NEIL2: variants seen among roughly 807,000 people sequenced by gnomAD.
The protein encoded by NEIL2 is nei like DNA glycosylase 2.
NEIL2 carries 23 observed loss-of-function variants against 22.2 expected under a neutral mutation model. That is an observed-to-expected ratio of 1.04 (90% CI 0.75 to 1.47). NEIL2 has a LOEUF of 1.47. Among genes scored for constraint, NEIL2 ranks in the 40% most tolerant of loss-of-function variants. The probability of loss-of-function intolerance (pLI) is 0.00; values close to 1 mark genes in which losing one functional copy is unlikely to be tolerated. For synonymous variants in NEIL2, 229 were observed against 164.8 expected, an observed-to-expected ratio of 1.39 and a Z score of -2.99; for missense variants, 583 against 404.7, an observed-to-expected ratio of 1.44 and a Z score of -3.78.
In NEIL2 at chr8:11,779,737, G is replaced by A; in HGVS notation, c.278G>A (p.Ser93Asn). ...AADPKQVGEPSGQKTLDGSSR... is the reference protein window; with the variant it reads ...AADPKQVGEPNGQKTLDGSSR... Reference sequence around the variant, plus strand: ...GACCCAAAGCAGGTCGGGGAGCCCAGCGGGCAGAAGACCCTTGATGGATCC... The same window carrying A: ...GACCCAAAGCAGGTCGGGGAGCCCAACGGGCAGAAGACCCTTGATGGATCC... Residue 93 changes from serine (S) to asparagine (N), a missense_variant, in exon 3 of 5, where the codon AGC (serine) becomes AAC (asparagine). Physicochemically the swap from Ser to Asn is conservative, Grantham distance 46. Coordinates refer to ENST00000284503, the MANE Select transcript of NEIL2 (RefSeq NM_145043.4). The A allele has an allele frequency of 6.2e-7, 1 of 1,614,232 alleles. No individual in the cohort carries two copies. The highest frequency in any genetic ancestry group is 8.5e-7 in the Non-Finnish European group (1 of 1,180,044).
chr8:11,784,797 G>T (rs962077106), intron 4 of NEIL2, among the ~76,000 whole-genome samples: 3 of 152,158 alleles, frequency 2.0e-5, no homozygotes, highest in African/African-American at 7.2e-5. Context: ...AGAGAATGAG[G>T]CAGGAGTAGA....
At position 11,770,042 on chromosome 8, in the gene NEIL2, AC is replaced by A. The variant is rs35627824; in HGVS notation, c.-292del. ...CACTCGGAAGAGAACGGCGGAGACA[AC>A]CCCTCCTCTTCCCTGGCTGGCGCAG... On this transcript the variant is annotated 5_prime_UTR_variant, in exon 1 of 5. Transcript: ENST00000284503. The A allele has an allele frequency of 6.6e-6, 1 of 151,024 alleles. No individual in the cohort carries two copies. Among genetic ancestry groups the A allele is most frequent in the Non-Finnish European group, 1.5e-5 (1 of 67,764 alleles). The allele number at this position is 151,024 out of a possible 1,614,324, so 9.4% of individuals were successfully genotyped here. A position where few individuals can be genotyped will look rare whatever the true frequency, so the allele number is the denominator to read the frequency against.
Position 11,786,377 on chromosome 8 carries a change from G to A in NEIL2, c.*104G>A. 1.8e-6 allele frequency: 2 copies of A among 1,123,414 alleles called. No homozygotes were observed. Among genetic ancestry groups the A allele is most frequent in the South Asian group, 1.3e-5 (1 of 75,372 alleles). 69.6% of individuals were successfully genotyped at this position (1,123,414 alleles called of 1,614,324 possible). A position where few individuals can be genotyped will look rare whatever the true frequency, so the allele number is the denominator to read the frequency against. Reference sequence around the variant, plus strand: ...AGGGACGGGGTACAGAGGATAGTGTGGGTCAGAGGTGCCAGTAGTATAATA... The same window carrying A: ...AGGGACGGGGTACAGAGGATAGTGTAGGTCAGAGGTGCCAGTAGTATAATA... On this transcript the variant is annotated 3_prime_UTR_variant, in exon 5 of 5. Coordinates refer to ENST00000284503, the MANE Select transcript of NEIL2 (RefSeq NM_145043.4).
chr8:11,784,322 C>T (rs188451647), intron 4 of NEIL2, among the ~76,000 whole-genome samples: 8 of 152,300 alleles, frequency 5.3e-5, no homozygotes, highest in East Asian at 3.9e-4. Context: ...TAATTAATAA[C>T]GGCCAGTGTT....
intron 2 of NEIL2, among the ~76,000 whole-genome samples, chr8:11,776,454 A>G (rs1309582387): frequency 6.6e-6 from 1 of 152,250 alleles, no homozygotes; most frequent in Non-Finnish European, 1.5e-5. Flanking sequence ...GTTGTTGGAC[A>G]CTCGGATTGT....
At chr8:11,774,218 T>C (rs1803715816) in intron 2 of NEIL2, among the ~76,000 whole-genome samples, 2 of 152,060 alleles carry the variant, frequency 1.3e-5, no homozygotes, top group African/African-American at 4.8e-5. Context: ...CTACTAAAGA[T>C]GCACAAATTA....
intron 2 of NEIL2, among the ~76,000 whole-genome samples, chr8:11,773,459 C>G (rs896888077): frequency 3.3e-5 from 5 of 152,092 alleles, no homozygotes; most frequent in Admixed American, 6.5e-5. Context: ...CGGCTTGTAT[C>G]GACACAGGCC....
At position 11,782,829 on chromosome 8, in the gene NEIL2, G is replaced by A. The variant is rs553837169; in HGVS notation, c.492-374G>A. 6.4e-4 allele frequency: 224 copies of A among 352,418 alleles called. 1 individual carries two copies. The highest frequency in any genetic ancestry group is 1.9e-3 in the Middle Eastern group (2 of 1,060). The allele number at this position is 352,418 out of a possible 1,614,324, so 21.8% of individuals were successfully genotyped here. A position where few individuals can be genotyped will look rare whatever the true frequency, so the allele number is the denominator to read the frequency against. On this transcript the variant is annotated intron_variant, in intron 3 of 4. Transcript: ENST00000284503. ...ATGATCCAGCCACAGAGTGTGCTTG[G>A]ACTATATTGTAACGATGTGGGGATG...
At chr8:11,777,691 A>G (rs191406904) in intron 2 of NEIL2, among the ~76,000 whole-genome samples, 3 of 152,348 alleles carry the variant, frequency 2.0e-5, no homozygotes, top group East Asian at 3.9e-4. Context: ...AAGTTCACCC[A>G]TGTTATAGAT....
rs765997060 is a variant in NEIL2 at position 11,786,119 on chromosome 8, A to G, written c.845A>G (p.His282Arg). The G allele has an allele frequency of 1.2e-6, 2 of 1,614,154 alleles. No individual in the cohort carries two copies. Among genetic ancestry groups the G allele is most frequent in the South Asian group, 1.1e-5 (1 of 91,086 alleles). ...LQGKFQGRPQ[H>R]TQVYQKEQCP... Reference sequence around the variant, plus strand: ...GGCAAGTTCCAAGGCAGACCGCAGCACACACAGGTCTACCAGAAAGAACAG... The same window carrying G: ...GGCAAGTTCCAAGGCAGACCGCAGCGCACACAGGTCTACCAGAAAGAACAG... The change falls in exon 5 of 5, where the codon CAC (histidine) becomes CGC (arginine). Residue 282 changes from histidine (H) to arginine (R), a missense_variant. Transcript: ENST00000284503.
At chr8:11,772,572 A>T (rs804265) in intron 2 of NEIL2, among the ~76,000 whole-genome samples, 66,560 of 151,958 alleles carry the variant, frequency 0.44, 15,443 homozygotes, top group East Asian at 0.71. Flanking sequence ...CCAGGACATC[A>T]TGTACTTCCT....
At chr8:11,784,726 T>C (rs1020011876) in intron 4 of NEIL2, among the ~76,000 whole-genome samples, 3 of 152,170 alleles carry the variant, frequency 2.0e-5, no homozygotes, top group African/African-American at 4.8e-5. Flanking sequence ...TGAAAGAGTA[T>C]GGTTGGAACA....
intron 2 of NEIL2, among the ~76,000 whole-genome samples, chr8:11,777,315 C>G (rs781341014): frequency 3.3e-5 from 5 of 152,008 alleles, no homozygotes; most frequent in Non-Finnish European, 7.4e-5. Context: ...TCTCTGTGCT[C>G]TTGTAGTATC....
chr8:11,770,929 T>G (rs1803381043), intron 1 of NEIL2, among the ~76,000 whole-genome samples: 1 of 152,134 alleles, frequency 6.6e-6, no homozygotes. Flanking sequence ...TGCGTGTTGG[T>G]CGTTTCATGC....
Position 11,779,780 on chromosome 8 carries a change from C to A in NEIL2, c.321C>A (p.Leu107=). The A allele has an allele frequency of 6.2e-7, 1 of 1,614,182 alleles. No individual in the cohort carries two copies. The highest frequency in any genetic ancestry group is 8.5e-7 in the Non-Finnish European group (1 of 1,180,024). ...TLDGSSRSAE[L]VPQGEDDSEY... is the part of the protein sequence containing the mutation. ...ATGGATCCTCACGGTCTGCAGAGCT[C>A]GTCCCCCAGGGCGAGGATGATTCTG... is the stretch of plus-strand genomic sequence containing the variant. The change falls in exon 3 of 5, where the codon CTC becomes CTA. Residue 107 remains leucine (L), a synonymous_variant. Coordinates refer to ENST00000284503, the MANE Select transcript of NEIL2 (RefSeq NM_145043.4).
intron 2 of NEIL2, 44 bp downstream of exon 2, chr8:11,771,629 T>A (rs1563248760): frequency 6.3e-7 from 1 of 1,587,964 alleles, no homozygotes; most frequent in African/African-American, 1.3e-5. Flanking sequence ...TCGCCCATCC[T>A]GCGCCTCCCC....
intron 3 of NEIL2, chr8:11,782,735 G>A: frequency 4.0e-6 from 1 of 248,988 alleles, no homozygotes. Flanking sequence ...CTGTATGTGT[G>A]TATGATCCAG....
chr8:11,771,541 C>T lies in NEIL2; in HGVS notation c.94C>T (p.Leu32=). ...CAAGACAGGGGGCAGCAGTAAGAAG[C>T]TACAGCCCGCCAGCCTGCAGTCTCT... The part of the protein sequence containing the change: ...VVKTGGSSKK[L]QPASLQSLWL... Residue 32 remains leucine, a synonymous_variant, in exon 2 of 5, where the codon CTA becomes TTA. Coordinates refer to ENST00000284503, the MANE Select transcript of NEIL2 (RefSeq NM_145043.4). The T allele has an allele frequency of 6.2e-7, 1 of 1,614,112 alleles. No individual in the cohort carries two copies. The highest frequency in any genetic ancestry group is 1.1e-5 in the South Asian group (1 of 91,078).
chr8:11,785,960 C>T lies in NEIL2; in HGVS notation c.689-3C>T, dbSNP rs780623176. 9.3e-6 allele frequency: 15 copies of T among 1,613,772 alleles called. No homozygotes were observed. The South Asian group carries it at 9.9e-5, about 11-fold the overall frequency. On this transcript the variant is annotated splice_region_variant and splice_polypyrimidine_tract_variant and intron_variant, in intron 4 of 4. Coordinates refer to ENST00000284503, the MANE Select transcript of NEIL2 (RefSeq NM_145043.4). ...TCCCTTACCTTCCCCCGCTTTATTTCAGGGAACATCATTAAGAATGAAGCC... is the reference window on the plus strand; with the variant it reads ...TCCCTTACCTTCCCCCGCTTTATTTTAGGGAACATCATTAAGAATGAAGCC...
Sources: gnomAD v4.1 joint callset for allele counts (sites outside exome capture counted in the v4.1 genomes callset) on GRCh38, gnomAD v4.1.1 for gene constraint, MANE v1.5 for transcripts, NCBI Gene and HGNC (gene_info 2026-07-23, HGNC 2026-07-21) for gene names.